The following TYW1 variants were observed in gnomAD, a reference collection of about 807,000 sequenced individuals.
TYW1 encodes tRNA-yW synthesizing protein 1 homolog.
TYW1 carries 46 observed loss-of-function variants against 96.2 expected under a neutral mutation model. That is an observed-to-expected ratio of 0.48 (90% confidence interval 0.38 to 0.61). TYW1 has a LOEUF of 0.61. Among genes scored for constraint, TYW1 ranks in the 20% least tolerant of loss-of-function variants. The pLI, the probability that TYW1 is intolerant of heterozygous loss-of-function variation, is 0.00. For missense variants in TYW1, 684 were observed against 909.6 expected (o/e 0.75, Z 3.19); for synonymous variants, 274 against 323.0 (o/e 0.85, Z 1.63).
chr7:67,110,285 G>A (rs1273800722), intron 12 of TYW1, among the ~76,000 whole-genome samples: 1 of 152,184 alleles, frequency 6.6e-6, no homozygotes, highest in African/African-American at 2.4e-5. Context: ...CCACTCACAC[G>A]ATCAGGGCTG....
intron 15 of TYW1, among the ~76,000 whole-genome samples, chr7:67,232,889 T>C (rs1317432586): frequency 1.4e-5 from 1 of 72,626 alleles, no homozygotes; most frequent in Non-Finnish European, 2.7e-5. Flanking sequence ...TGTGAATATA[T>C]GCAGGGGGCT....
At chr7:67,061,627 T>C (rs867454561) in intron 9 of TYW1, among the ~76,000 whole-genome samples, 4 of 152,198 alleles carry the variant, frequency 2.6e-5, no homozygotes, top group African/African-American at 7.2e-5. Context: ...AATAAGACAT[T>C]TCAGCCAAAG....
rs539303422 is a variant in TYW1 at position 67,156,617 on chromosome 7, C to A, written c.1699-26509C>A. Among the ~76,000 whole-genome samples the A allele has an allele frequency of 8.5e-5, 13 of 152,250 alleles. No homozygotes were observed. The South Asian group carries it at 2.7e-3, about 32-fold the overall frequency. On this transcript the variant is annotated intron_variant, in intron 13 of 15. Transcript: ENST00000359626. ...ATGGGGTGGACTAGAGTGCTGGGGA[C>A]CTGGCCACATCACTGGGTCTGGCTG...
intron 10 of TYW1, among the ~76,000 whole-genome samples, chr7:67,079,614 A>T (rs1391901664): frequency 3.4e-5 from 5 of 148,440 alleles, no homozygotes; most frequent in Non-Finnish European, 7.5e-5. Context: ...TCTGATTATT[A>T]TTTTTTTCTG....
chr7:67,002,648 A>C (rs1419341860), intron 3 of TYW1, among the ~76,000 whole-genome samples: 2 of 145,482 alleles, frequency 1.4e-5, no homozygotes, highest in Non-Finnish European at 3.0e-5. Context: ...TGTATACTTG[A>C]ATTTTTTTTG....
intron 13 of TYW1, among the ~76,000 whole-genome samples, chr7:67,153,806 TTTTG>T (rs1231875526): frequency 3.3e-5 from 5 of 152,268 alleles, no homozygotes; most frequent in Admixed American, 2.0e-4. Flanking sequence ...AAGTTGCTTT[TTTTG>T]TTTGTTTAAC....
At position 67,137,103 on chromosome 7, in the gene TYW1, G is replaced by A. The variant is rs558130852; in HGVS notation, c.1698+19485G>A. On this transcript the variant is annotated intron_variant, in intron 13 of 15. Transcript: ENST00000359626. ...TCTGGGATTACAGGTGTGAGCCACCGCGCCTGGCCTTTGTTTTGTTATTTT... is the reference window on the plus strand; with the variant it reads ...TCTGGGATTACAGGTGTGAGCCACCACGCCTGGCCTTTGTTTTGTTATTTT... 2.0e-5 allele frequency among the ~76,000 whole-genome samples: 3 copies of A among 151,244 alleles called. No individual in the cohort carries two copies. The East Asian group carries it at 5.9e-4, about 30-fold the overall frequency.
chr7:67,068,104 C>G (rs1207185296), intron 10 of TYW1, among the ~76,000 whole-genome samples: 1 of 151,764 alleles, frequency 6.6e-6, no homozygotes, highest in Non-Finnish European at 1.5e-5. Flanking sequence ...TCACTGCAAC[C>G]TCTGCCTCCC....
At chr7:67,032,338 G>T (rs1794696441) in intron 7 of TYW1, among the ~76,000 whole-genome samples, 7 of 152,260 alleles carry the variant, frequency 4.6e-5, no homozygotes, top group Middle Eastern at 3.4e-3. Flanking sequence ...GAAGTAGGAG[G>T]CCTGGCGTGC....
chr7:67,221,326 C>T (rs1374292274), intron 15 of TYW1, among the ~76,000 whole-genome samples: 1 of 152,182 alleles, frequency 6.6e-6, no homozygotes, highest in Non-Finnish European at 1.5e-5. Context: ...CTTTGGGTTA[C>T]TCTTTGCATG....
chr7:67,205,387 G>GGT (rs1491356134), intron 15 of TYW1, among the ~76,000 whole-genome samples: 13 of 128,504 alleles, frequency 1.0e-4, no homozygotes, highest in South Asian at 4.8e-4. Context: ...GGATGGAGGC[G>GGT]GGGGGGGGGC....
intron 7 of TYW1, among the ~76,000 whole-genome samples, chr7:67,046,080 G>A (rs993436488): frequency 1.3e-5 from 2 of 152,126 alleles, no homozygotes; most frequent in Admixed American, 6.6e-5. Context: ...ATAGGCAGAG[G>A]GATTAATATG....
At chr7:67,024,654 G>A (rs1164146134) in intron 6 of TYW1, among the ~76,000 whole-genome samples, 6 of 152,072 alleles carry the variant, frequency 3.9e-5, no homozygotes, top group Admixed American at 1.3e-4. Context: ...GGTGGTAGGC[G>A]CCTGTGATCC....
At chr7:66,998,251 G>T in intron 2 of TYW1, 56 bp downstream of exon 2, 2 of 1,549,696 alleles carry the variant, frequency 1.3e-6, no homozygotes, top group Non-Finnish European at 1.7e-6. Flanking sequence ...TTTTATAGAG[G>T]ATTTAAATAC....
intron 9 of TYW1, among the ~76,000 whole-genome samples, chr7:67,058,132 C>T (rs1795583269): frequency 6.6e-6 from 1 of 152,146 alleles, no homozygotes. Flanking sequence ...GACAGGGTTT[C>T]ACCGTGTTAG....
intron 13 of TYW1, among the ~76,000 whole-genome samples, chr7:67,148,425 ATT>A (rs34723740): frequency 3.7e-5 from 4 of 109,386 alleles, no homozygotes; most frequent in Admixed American, 2.2e-4. Flanking sequence ...CTTGAAAGTG[ATT>A]TTTTTTTTTT....
At chr7:67,125,837 G>C (rs2140564) in intron 13 of TYW1, among the ~76,000 whole-genome samples, 36,109 of 151,990 alleles carry the variant, frequency 0.24, 4,514 homozygotes, top group African/African-American at 0.3. Context: ...AGCCTTTTCA[G>C]ATTTGCTTCT....
intron 13 of TYW1, 83 bp from the exon 14 acceptor site, chr7:67,183,043 A>G (rs2948336): frequency 0.18 from 212,405 of 1,173,116 alleles, 19,760 homozygotes; most frequent in African/African-American, 0.37. Flanking sequence ...GGTTCTCTGG[A>G]TTGAAAAAGC....
intron 9 of TYW1, among the ~76,000 whole-genome samples, chr7:67,066,981 T>C (rs1795886406): frequency 6.6e-6 from 1 of 152,238 alleles, no homozygotes. Flanking sequence ...CCTAGCATTA[T>C]ATATTATTGT....
Sources: allele counts gnomAD v4.1 joint callset (sites outside exome capture counted in the v4.1 genomes callset), GRCh38; gene constraint gnomAD v4.1.1; transcripts MANE v1.5; gene names NCBI Gene and HGNC (gene_info 2026-07-23, HGNC 2026-07-21).